ZNF33B: variants seen among roughly 807,000 people sequenced by gnomAD.
ZNF33B encodes the protein zinc finger protein 33B, also known as zinc finger protein 11b (KOX 2).
ZNF33B carries 29 observed loss-of-function variants against 45.8 expected under a neutral mutation model. That is an observed-to-expected ratio of 0.63 (90% confidence interval 0.47 to 0.86). The LOEUF (loss-of-function observed/expected upper bound fraction) is 0.86, where lower values mean the gene tolerates loss of function less well. Ranked by LOEUF, ZNF33B falls within the 40% of genes least tolerant of loss-of-function variation. The pLI, the probability that ZNF33B is intolerant of heterozygous loss-of-function variation, is 0.00. For missense variants in ZNF33B, 831 were observed against 909.9 expected (o/e 0.91, Z 1.12); for synonymous variants, 305 against 307.8 (o/e 0.99, Z 0.10).
chr10:42,638,219 G>A (rs1025664153), intron 1 of ZNF33B, among the ~76,000 whole-genome samples: 1 of 152,260 alleles, frequency 6.6e-6, no homozygotes, highest in Non-Finnish European at 1.5e-5. Flanking sequence ...CGCTCGGACC[G>A]CGCAAGCGCA....
Position 42,593,155 on chromosome 10 carries a change from GTT to G in ZNF33B, c.1793_1794del (p.Lys598ThrfsTer2), listed in dbSNP as rs753231716. ...KIFYNKSYLT[K>X]HNRTHTGEKP... ...TTCTCCCCTGTATGTGTTCTATTAT[GTT>G]TTGTTAGGTATGATTTATTGTAAAA... On this transcript the variant is annotated frameshift_variant, in exon 5 of 5. Coordinates refer to ENST00000359467, the MANE Select transcript of ZNF33B (RefSeq NM_006955.3). LOFTEE classifies it high-confidence loss of function. The G allele has an allele frequency of 3.1e-6, 5 of 1,613,318 alleles. No individual in the cohort carries two copies. The highest frequency in any genetic ancestry group is 4.2e-6 in the Non-Finnish European group (5 of 1,179,908).
rs757247500 is a variant in ZNF33B at position 42,594,142 on chromosome 10, A to G, written c.808T>C (p.Ser270Pro). 5 of 1,613,922 alleles carry G rather than the reference A, an allele frequency of 3.1e-6. No homozygotes were observed. The highest frequency in any genetic ancestry group is 4.2e-6 in the Non-Finnish European group (5 of 1,179,922). Residue 270 changes from serine (S) to proline (P), a missense_variant, in exon 5 of 5, where the codon TCA becomes CCA. By Grantham distance (74) the Ser-to-Pro change is moderately conservative (BLOSUM62 -1). Coordinates refer to ENST00000359467, the MANE Select transcript of ZNF33B (RefSeq NM_006955.3). ...CTAAATTCATAGTGACTGTCCTTTG[A>G]TGGAGGTATCTGATGGAACAAGAGG... The part of the protein sequence containing the change: ...SSLLFHQIPP[S>P]KDSHYEFSDC...
chr10:42,599,128 A>ATC (rs1837517708), intron 4 of ZNF33B, among the ~76,000 whole-genome samples: 1 of 151,798 alleles, frequency 6.6e-6, no homozygotes, highest in African/African-American at 2.4e-5. Flanking sequence ...CAGGTATAGT[A>ATC]TTCCCTCACT....
intron 4 of ZNF33B, 43 bp from the exon 5 acceptor site, chr10:42,594,742 C>T (rs1837324205): frequency 4.0e-6 from 6 of 1,512,388 alleles, no homozygotes; most frequent in Middle Eastern, 2.5e-4. Flanking sequence ...AATACCAAAA[C>T]ATCTCTTAGG....
At chr10:42,609,130 T>A (rs1177016564) in intron 4 of ZNF33B, among the ~76,000 whole-genome samples, 1 of 152,146 alleles carries the variant, frequency 6.6e-6, no homozygotes, top group East Asian at 1.9e-4. Context: ...AACTCGCCAT[T>A]ACAGGTGGGA....
chr10:42,579,079 T>C (rs913562198), intron 1 of ZNF33B, among the ~76,000 whole-genome samples: 4 of 152,200 alleles, frequency 2.6e-5, no homozygotes, highest in Non-Finnish European at 5.9e-5. Flanking sequence ...GCAAGGCCAT[T>C]CACTCTCCTC....
rs149155227 is a variant in ZNF33B at position 42,607,676 on chromosome 10, T to C, written c.251-12977A>G. On this transcript the variant is annotated intron_variant, in intron 4 of 4. Transcript: ENST00000359467. Reference sequence around the variant, plus strand: ...GACTTATGATCAAGTTACATCCTGATAATAGTCAAATTAGTTGAAAATATT... The same window carrying C: ...GACTTATGATCAAGTTACATCCTGACAATAGTCAAATTAGTTGAAAATATT... 5.5e-3 allele frequency among the ~76,000 whole-genome samples: 834 copies of C among 150,940 alleles called. 31 individuals are homozygous for C. In the East Asian group the frequency reaches 0.085, roughly 15 times the overall value.
intron 2 of ZNF33B, 167 bp downstream of exon 2, chr10:42,636,753 G>A (rs939668005): frequency 3.5e-6 from 3 of 847,188 alleles, no homozygotes; most frequent in Non-Finnish European, 5.5e-6. Flanking sequence ...CCAGGAGGCA[G>A]AGGTTGCAAG....
chr10:42,582,247 A>T (rs1836842008), intron 1 of ZNF33B: 1 of 152,200 alleles, frequency 6.6e-6, no homozygotes, highest in Non-Finnish European at 1.5e-5. Context: ...CTTATCTAGT[A>T]CTGTGTCTGG....
At chr10:42,618,154 G>A (rs1381694956) in intron 4 of ZNF33B, among the ~76,000 whole-genome samples, 2 of 152,152 alleles carry the variant, frequency 1.3e-5, no homozygotes, top group Non-Finnish European at 2.9e-5. Context: ...AAGCGTAGGG[G>A]GCAGGAGGGT....
chr10:42,610,081 T>C (rs1231539879), intron 4 of ZNF33B, among the ~76,000 whole-genome samples: 3 of 151,788 alleles, frequency 2.0e-5, no homozygotes, highest in East Asian at 3.9e-4. Flanking sequence ...GGAATTCAGA[T>C]TGAAAAAAAA....
chr10:42,619,326 G>GT (rs1838472679), intron 4 of ZNF33B, among the ~76,000 whole-genome samples: 1 of 152,172 alleles, frequency 6.6e-6, no homozygotes, highest in African/African-American at 2.4e-5. Flanking sequence ...TTGAAGGCCT[G>GT]AAGACAGATG....
chr10:42,599,420 C>T (rs1301098868), intron 4 of ZNF33B, among the ~76,000 whole-genome samples: 1 of 151,490 alleles, frequency 6.6e-6, no homozygotes, highest in African/African-American at 2.4e-5. Context: ...TTCTTCTTAT[C>T]CAACACAAGT....
Position 42,633,990 on chromosome 10 carries a change from C to G in ZNF33B, c.10-1551G>C, listed in dbSNP as rs1287281122. Among the ~76,000 whole-genome samples, 2 of 149,210 alleles carry G rather than the reference C, an allele frequency of 1.3e-5. 1 individual carries two copies. The highest frequency in any genetic ancestry group is 4.9e-5 in the African/African-American group (2 of 40,470). On this transcript the variant is annotated intron_variant, in intron 2 of 4. Coordinates refer to ENST00000359467, the MANE Select transcript of ZNF33B (RefSeq NM_006955.3). ...CATCTCAAAAAAAAAAAAAATGAAG[C>G]ATAATATGAAGATCAAGAATGAAAC...
intron 4 of ZNF33B, among the ~76,000 whole-genome samples, chr10:42,616,354 C>T (rs1418386032): frequency 6.6e-6 from 1 of 152,082 alleles, no homozygotes; most frequent in Non-Finnish European, 1.5e-5. Context: ...TCATATAATT[C>T]TCCAGAAAAT....
chr10:42,576,290 CAAT>C (rs1836748845), intron 1 of ZNF33B, among the ~76,000 whole-genome samples: 1 of 152,142 alleles, frequency 6.6e-6, no homozygotes, highest in Admixed American at 6.5e-5. Flanking sequence ...CGCCCGGCCA[CAAT>C]ATTATTTTTA....
At chr10:42,633,569 C>T (rs1206013821) in intron 2 of ZNF33B, among the ~76,000 whole-genome samples, 1 of 152,160 alleles carries the variant, frequency 6.6e-6, no homozygotes, top group African/African-American at 2.4e-5. Context: ...CTGGCTATCC[C>T]CATGAACAGC....
chr10:42,616,690 G>A (rs1838333711), intron 4 of ZNF33B, among the ~76,000 whole-genome samples: 1 of 151,764 alleles, frequency 6.6e-6, no homozygotes, highest in Non-Finnish European at 1.5e-5. Flanking sequence ...ATATGTTTTT[G>A]TCCATTACAT....
At chr10:42,601,275 C>T (rs1034254685) in intron 4 of ZNF33B, among the ~76,000 whole-genome samples, 2 of 152,036 alleles carry the variant, frequency 1.3e-5, no homozygotes, top group African/African-American at 4.8e-5. Context: ...GTGTAGTTTT[C>T]TTCATGCCTC....
Sources: gnomAD v4.1 joint callset for allele counts (sites outside exome capture counted in the v4.1 genomes callset) on GRCh38, gnomAD v4.1.1 for gene constraint, MANE v1.5 for transcripts, NCBI Gene and HGNC (gene_info 2026-07-23, HGNC 2026-07-21) for gene names.